VAV2: variants seen among roughly 807,000 people sequenced by gnomAD.
The protein encoded by VAV2 is guanine nucleotide exchange factor VAV2.
A neutral mutation model predicts 132.5 loss-of-function variants in VAV2; 67 were observed. That is an observed-to-expected ratio of 0.51 (90% confidence interval 0.42 to 0.62). VAV2 has a LOEUF of 0.62. Among genes scored for constraint, VAV2 ranks in the 20% least tolerant of loss-of-function variants. The pLI is 0.00. For synonymous variants in VAV2, 492 were observed against 443.5 expected (o/e 1.11, Z -1.37); for missense variants, 938 against 1,153.6 (o/e 0.81, Z 2.71).
At position 133,834,187 on chromosome 9, in the gene VAV2, T is replaced by C. The variant is rs1836370663; in HGVS notation, c.449+85A>G. 2.0e-6 allele frequency: 3 copies of C among 1,473,572 alleles called. No individual in the cohort carries two copies. The highest frequency in any genetic ancestry group is 2.8e-6 in the Non-Finnish European group (3 of 1,082,880). The allele number at this position is 1,473,572 out of a possible 1,614,324, so 91.3% of individuals were successfully genotyped here. A position where few individuals can be genotyped will look rare whatever the true frequency, so the allele number is the denominator to read the frequency against. ...AGCTCTGCCTGCACTGTGGCCGCCA[T>C]GTTTCCTCCTGACTCCCTGGACACC... is the stretch of plus-strand genomic sequence containing the variant. On this transcript the variant is annotated intron_variant, in intron 4 of 29. Transcript: ENST00000371850. The surrounding 1 kb of genome is among the most constrained non-coding windows in gnomAD (Gnocchi z 5.9).
intron 5 of VAV2, among the ~76,000 whole-genome samples, chr9:133,811,873 T>C (rs915510049): frequency 3.9e-5 from 6 of 152,062 alleles, no homozygotes; most frequent in African/African-American, 9.7e-5. Context: ...AACATCTCCA[T>C]AGAGAGGAAG....
intron 3 of VAV2, among the ~76,000 whole-genome samples, chr9:133,851,963 G>A (rs1037794905): frequency 6.6e-6 from 1 of 151,456 alleles, no homozygotes; most frequent in Non-Finnish European, 1.5e-5. Flanking sequence ...ATGGATGTAT[G>A]GATGGAAGGA....
intron 1 of VAV2, among the ~76,000 whole-genome samples, chr9:133,944,085 C>T (rs1052902372): frequency 1.3e-5 from 2 of 152,222 alleles, no homozygotes; most frequent in Non-Finnish European, 2.9e-5. Flanking sequence ...GCAAGCTTCA[C>T]CGGCCAAGCT....
intron 1 of VAV2, among the ~76,000 whole-genome samples, chr9:133,950,424 TGA>T (rs1353348353): frequency 6.6e-6 from 1 of 152,108 alleles, no homozygotes; most frequent in Non-Finnish European, 1.5e-5. Flanking sequence ...AGCCAGCAGC[TGA>T]GAGAGGTCTC....
intron 19 of VAV2, among the ~76,000 whole-genome samples, chr9:133,782,984 T>A (rs1834063072): frequency 6.6e-6 from 1 of 152,178 alleles, no homozygotes; most frequent in Non-Finnish European, 1.5e-5. Context: ...CTCCCCTCCC[T>A]GAGCCTCAAG....
rs901374476 is a variant in VAV2 at position 133,935,284 on chromosome 9, C to T, written c.321+3819G>A. On this transcript the variant is annotated intron_variant, in intron 2 of 29. Transcript: ENST00000371850. This position sits in a 1 kb window ranked among gnomAD's most constrained non-coding sequence, Gnocchi z 5.2. Reference sequence around the variant, plus strand: ...TGTAGGAAACGCTCAGTAAATGCCCCGAAAAAATGAAAGGGGCATTCGCTC... The same window carrying T: ...TGTAGGAAACGCTCAGTAAATGCCCTGAAAAAATGAAAGGGGCATTCGCTC... Among the ~76,000 whole-genome samples the T allele has an allele frequency of 6.6e-6, 1 of 152,046 alleles. No individual in the cohort carries two copies. Among genetic ancestry groups the T allele is most frequent in the Non-Finnish European group, 1.5e-5 (1 of 67,980 alleles).
At chr9:133,907,569 C>T (rs1037429493) in intron 2 of VAV2, among the ~76,000 whole-genome samples, 2 of 152,196 alleles carry the variant, frequency 1.3e-5, no homozygotes, top group African/African-American at 4.8e-5. Flanking sequence ...CGTTGGAAAG[C>T]CCCCTGGGAG....
chr9:133,979,045 C>CCGGAG (rs1417877852), intron 1 of VAV2, among the ~76,000 whole-genome samples: 2 of 152,204 alleles, frequency 1.3e-5, no homozygotes, highest in East Asian at 3.9e-4. Context: ...TCTGCAGGTC[C>CCGGAG]CGGAGCGCCC....
At chr9:133,765,414 A>G (rs592820) in intron 29 of VAV2, among the ~76,000 whole-genome samples, 57,151 of 152,108 alleles carry the variant, frequency 0.38, 11,337 homozygotes, top group Non-Finnish European at 0.44. Flanking sequence ...GCACTGAGAA[A>G]GTGCCAACGT....
Position 133,928,404 on chromosome 9 carries a change from G to C in VAV2, c.321+10699C>G, listed in dbSNP as rs1444816487. Among the ~76,000 whole-genome samples, 2 of 152,214 alleles carry C rather than the reference G, an allele frequency of 1.3e-5. No homozygotes were observed. Among genetic ancestry groups the C allele is most frequent in the Non-Finnish European group, 2.9e-5 (2 of 68,038 alleles). ...CGGGCTCTGCCGGGAGCCTGAGGCA[G>C]CTCCCCACCCCAGCGAGGAGCGACT... On this transcript the variant is annotated intron_variant, in intron 2 of 29. Transcript: ENST00000371850. This position sits in a 1 kb window ranked among gnomAD's most constrained non-coding sequence, Gnocchi z 5.4.
rs1047699619 is a variant in VAV2, at chr9:133,885,796, C to A, written c.322-24364G>T. 4.6e-5 allele frequency among the ~76,000 whole-genome samples: 7 copies of A among 152,182 alleles called. No individual in the cohort carries two copies. Among genetic ancestry groups the A allele is most frequent in the African/African-American group, 1.7e-4 (7 of 41,436 alleles). ...AACCCACCACGGTGCCGGCACAAACCCTTCACAAAGCACTCACCCACTTAC... is the reference window on the plus strand; with the variant it reads ...AACCCACCACGGTGCCGGCACAAACACTTCACAAAGCACTCACCCACTTAC... On this transcript the variant is annotated intron_variant, in intron 2 of 29. Transcript: ENST00000371850. This position sits in a 1 kb window ranked among gnomAD's most constrained non-coding sequence, Gnocchi z 5.0.
chr9:133,792,359 A>AGG (rs1834521488), intron 12 of VAV2, among the ~76,000 whole-genome samples: 1 of 123,360 alleles, frequency 8.1e-6, no homozygotes, highest in African/African-American at 3.2e-5. Flanking sequence ...GGTGGGGTGC[A>AGG]TGTGTGTGTG....
intron 10 of VAV2, 50 bp downstream of exon 10, chr9:133,797,660 A>G: frequency 6.4e-7 from 1 of 1,557,336 alleles, no homozygotes; most frequent in South Asian, 1.2e-5. Context: ...TCTGGCCTGC[A>G]AGCTGCAACC....
chr9:133,911,398 T>C (rs555296080), intron 2 of VAV2, among the ~76,000 whole-genome samples: 2 of 152,318 alleles, frequency 1.3e-5, no homozygotes, highest in South Asian at 4.1e-4. Context: ...GACGTTCAAC[T>C]GCATTGAATT....
At chr9:133,931,526 G>A (rs2132108987) in intron 2 of VAV2, among the ~76,000 whole-genome samples, 1 of 151,800 alleles carries the variant, frequency 6.6e-6, no homozygotes, top group East Asian at 1.9e-4. Flanking sequence ...CCTCTGCCCA[G>A]AAGTGCAGCC....
intron 2 of VAV2, 80 bp downstream of exon 2, chr9:133,939,023 G>A: frequency 7.5e-7 from 1 of 1,329,836 alleles, no homozygotes; most frequent in Admixed American, 1.7e-5. Context: ...GCTGCTCCAT[G>A]GATCTGGCCC....
intron 2 of VAV2, among the ~76,000 whole-genome samples, chr9:133,876,433 C>A (rs920430238): frequency 3.3e-5 from 5 of 152,190 alleles, no homozygotes; most frequent in African/African-American, 1.2e-4. Context: ...GAAGGCAGGC[C>A]CCCTGGGACT....
In VAV2 at chr9:133,801,591, G is replaced by C. The variant is rs746863541; in HGVS notation, c.837-3782C>G. 3.3e-5 allele frequency among the ~76,000 whole-genome samples: 5 copies of C among 152,210 alleles called. No individual in the cohort carries two copies. The South Asian group carries it at 1.0e-3, about 32-fold the overall frequency. On this transcript the variant is annotated intron_variant, in intron 9 of 29. Transcript: ENST00000371850. ...CACACCCCTAGCCCCACTGAGCAAG[G>C]GCAGCTGGTGATGGAGAGGGCCTCG...
intron 6 of VAV2, among the ~76,000 whole-genome samples, chr9:133,809,875 G>T (rs1262685667): frequency 6.6e-6 from 1 of 152,224 alleles, no homozygotes; most frequent in Non-Finnish European, 1.5e-5. Flanking sequence ...CCACCTGTCA[G>T]AAGGCTCTGG....
Sources: allele counts gnomAD v4.1 joint callset (sites outside exome capture counted in the v4.1 genomes callset), GRCh38; gene constraint gnomAD v4.1.1; non-coding constraint Gnocchi (gnomAD v3.1); transcripts MANE v1.5; gene names NCBI Gene and HGNC (gene_info 2026-07-23, HGNC 2026-07-21).